The following OMA1 variants were observed in gnomAD, a reference collection of about 807,000 sequenced individuals.
OMA1 encodes the protein metalloendopeptidase OMA1, mitochondrial.
A neutral mutation model predicts 30.9 loss-of-function variants in OMA1; 38 were observed. The ratio of observed to expected loss-of-function variants is 1.23; its 90% confidence interval spans 0.95 to 1.61. The LOEUF (loss-of-function observed/expected upper bound fraction) is 1.61, where lower values mean the gene tolerates loss of function less well. OMA1 is among the 40% of genes most tolerant of loss of function. The probability of loss-of-function intolerance (pLI) is 0.00; values close to 1 mark genes in which losing one functional copy is unlikely to be tolerated. For missense variants in OMA1, 461 were observed against 349.2 expected (o/e 1.32, Z -2.55); for synonymous variants, 173 against 121.9 (o/e 1.42, Z -2.76).
At chr1:58,514,247 G>T (rs1276126080) in intron 7 of OMA1, among the ~76,000 whole-genome samples, 1 of 152,072 alleles carries the variant, frequency 6.6e-6, no homozygotes, top group Non-Finnish European at 1.5e-5. Flanking sequence ...GAAAGAATTT[G>T]CTACTATTAA....
chr1:58,511,968 A>G lies in OMA1; in HGVS notation c.1216-5759T>C, dbSNP rs190451081. ...CAGCTAAGGAAACAGAGTGAAAGGC[A>G]ATCTACAGAATGGGAAAAACCATTT... On this transcript the variant is annotated intron_variant, in intron 7 of 8. Coordinates refer to ENST00000371226, the MANE Select transcript of OMA1 (RefSeq NM_145243.5). 4.5e-4 allele frequency among the ~76,000 whole-genome samples: 69 copies of G among 152,324 alleles called. 1 individual carries two copies. The East Asian group carries it at 0.013, about 29-fold the overall frequency.
At chr1:58,500,902 T>C (rs963889010) in intron 8 of OMA1, among the ~76,000 whole-genome samples, 1 of 152,132 alleles carries the variant, frequency 6.6e-6, no homozygotes, top group Non-Finnish European at 1.5e-5. Context: ...ACAATCTTCA[T>C]AGAAAAAAGT....
At chr1:58,495,192 T>C (rs1645776493) in intron 8 of OMA1, among the ~76,000 whole-genome samples, 1 of 152,112 alleles carries the variant, frequency 6.6e-6, no homozygotes, top group South Asian at 2.1e-4. Flanking sequence ...CACTGCAGGT[T>C]CTCACTCATA....
At chr1:58,507,553 T>C (rs1365288017) in intron 7 of OMA1, among the ~76,000 whole-genome samples, 1 of 152,036 alleles carries the variant, frequency 6.6e-6, no homozygotes, top group Non-Finnish European at 1.5e-5. Flanking sequence ...AGGTACTTTA[T>C]ACACTACTGC....
chr1:58,486,424 C>A (rs1645576918), intron 8 of OMA1, among the ~76,000 whole-genome samples: 1 of 152,142 alleles, frequency 6.6e-6, no homozygotes, highest in South Asian at 2.1e-4. Flanking sequence ...CTATTAATGT[C>A]CTACATGCTA....
Position 58,490,795 on chromosome 1 carries a change from CTTTTTTTTTT to C in OMA1, c.1366-9631_1366-9622del, listed in dbSNP as rs148145860. 3.2e-3 allele frequency among the ~76,000 whole-genome samples: 190 copies of C among 59,280 alleles called. No individual in the cohort carries two copies. The Middle Eastern group carries it at 0.044, about 14-fold the overall frequency. The allele number at this position is 59,280 out of a possible 152,430, so 38.9% of individuals were successfully genotyped here. On this transcript the variant is annotated intron_variant, in intron 8 of 8. Transcript: ENST00000371226. ...AGAGTGGGGGCCAATAGTCAACATT[CTTTTTTTTTT>C]TTTTTTTTTTTTTTTTTTTTGAGAC...
chr1:58,531,518 T>C (rs1293197742), intron 5 of OMA1, among the ~76,000 whole-genome samples: 2 of 152,220 alleles, frequency 1.3e-5, no homozygotes, highest in Non-Finnish European at 2.9e-5. Context: ...TAAATGTTAA[T>C]GTTGTAATGC....
chr1:58,503,355 T>C (rs1457240004), intron 8 of OMA1, among the ~76,000 whole-genome samples: 1 of 152,208 alleles, frequency 6.6e-6, no homozygotes, highest in African/African-American at 2.4e-5. Flanking sequence ...AAATACATAA[T>C]GTCCCATGCC....
intron 8 of OMA1, among the ~76,000 whole-genome samples, chr1:58,483,011 C>A (rs1340532657): frequency 6.6e-6 from 1 of 152,200 alleles, no homozygotes; most frequent in East Asian, 1.9e-4. Flanking sequence ...AGCTAATACA[C>A]TACTACTTAA....
intron 5 of OMA1, among the ~76,000 whole-genome samples, chr1:58,531,440 T>A (rs1169815903): frequency 6.6e-6 from 1 of 152,240 alleles, no homozygotes; most frequent in Non-Finnish European, 1.5e-5. Flanking sequence ...ATAAAATAGT[T>A]GTTTTGAGTA....
rs1241369821 is a variant in OMA1 at position 58,533,933 on chromosome 1, C to T, written c.1011+20G>A. ...TCAAAGCAGTTTTTCCAAACCTGAA[C>T]ATTCATTTTAGGTACTTACAGCATG... On this transcript the variant is annotated intron_variant, in intron 5 of 8. Coordinates refer to ENST00000371226, the MANE Select transcript of OMA1 (RefSeq NM_145243.5). The T allele has an allele frequency of 3.5e-6, 3 of 867,896 alleles. No individual in the cohort carries two copies. The Admixed American group carries it at 5.1e-5, about 15-fold the overall frequency. The allele number at this position is 867,896 out of a possible 1,614,324, so 53.8% of individuals were successfully genotyped here.
intron 8 of OMA1, among the ~76,000 whole-genome samples, chr1:58,500,005 C>T (rs1388614999): frequency 2.0e-5 from 3 of 151,914 alleles, no homozygotes; most frequent in Non-Finnish European, 4.4e-5. Flanking sequence ...AGAGTCTTCA[C>T]GACTGGATTA....
intron 5 of OMA1, 107 bp downstream of exon 5, chr1:58,533,846 A>C (rs1646474542): frequency 1.6e-5 from 12 of 727,322 alleles, no homozygotes; most frequent in Non-Finnish European, 2.2e-5. Context: ...CAAAACTAAA[A>C]GTCTATCATT....
At chr1:58,482,343 T>C (rs1224186399) in intron 8 of OMA1, among the ~76,000 whole-genome samples, 1 of 152,194 alleles carries the variant, frequency 6.6e-6, no homozygotes, top group Non-Finnish European at 1.5e-5. Context: ...GAATTGGAAA[T>C]AGTTACCCCT....
chr1:58,541,053 T>C (rs1291075243), intron 1 of OMA1, among the ~76,000 whole-genome samples: 2 of 151,912 alleles, frequency 1.3e-5, no homozygotes, highest in Non-Finnish European at 2.9e-5. Flanking sequence ...CTCACGCCTG[T>C]AATCCCAGCA....
chr1:58,512,427 G>C lies in OMA1; in HGVS notation c.1216-6218C>G, dbSNP rs1646093132. Among the ~76,000 whole-genome samples the C allele has an allele frequency of 2.0e-5, 3 of 152,122 alleles. No homozygotes were observed. The South Asian group carries it at 6.2e-4, about 32-fold the overall frequency. On this transcript the variant is annotated intron_variant, in intron 7 of 8. Transcript: ENST00000371226. ...ATATTTATCCAAGAGTTGAAATCAG[G>C]ATCTCAAAGGGATTTGCACTCCACA... is the stretch of plus-strand genomic sequence containing the variant.
intron 7 of OMA1, among the ~76,000 whole-genome samples, chr1:58,512,320 G>A (rs887212776): frequency 5.3e-5 from 8 of 152,054 alleles, no homozygotes; most frequent in South Asian, 2.1e-4. Flanking sequence ...AAATGGTGTG[G>A]ACTTTATGAA....
At chr1:58,502,062 A>G (rs1645915732) in intron 8 of OMA1, among the ~76,000 whole-genome samples, 1 of 152,228 alleles carries the variant, frequency 6.6e-6, no homozygotes. Flanking sequence ...TGACTGATAA[A>G]TACTTGTTGA....
chr1:58,489,560 T>A (rs906052194), intron 8 of OMA1, among the ~76,000 whole-genome samples: 10 of 152,248 alleles, frequency 6.6e-5, no homozygotes, highest in African/African-American at 2.2e-4. Context: ...TCTGCAGACT[T>A]AAATGTCCCT....
Sources: allele counts gnomAD v4.1 joint callset (sites outside exome capture counted in the v4.1 genomes callset), GRCh38; gene constraint gnomAD v4.1.1; transcripts MANE v1.5; gene names NCBI Gene and HGNC (gene_info 2026-07-23, HGNC 2026-07-21).